SPATA1: variants seen among roughly 807,000 people sequenced by gnomAD.
SPATA1 encodes the protein spermatogenesis-associated protein 1.
SPATA1 carries 57 observed loss-of-function variants against 59.6 expected under a neutral mutation model. That is an observed-to-expected ratio of 0.96 (90% confidence interval 0.77 to 1.19). The LOEUF (loss-of-function observed/expected upper bound fraction) is 1.19. Ranked by LOEUF, SPATA1 falls within the 50% of genes most tolerant of loss-of-function variation. The pLI is 0.00. For missense variants in SPATA1, 448 were observed against 480.7 expected (o/e 0.93, Z 0.64); for synonymous variants, 147 against 163.9 (o/e 0.90, Z 0.79).
At chr1:84,566,108 A>C in exon 5 of SPATA1, 2 of 667,320 alleles carry the variant, frequency 3.0e-6, no homozygotes, top group Non-Finnish European at 4.4e-6. Context: ...CTTATACTAC[A>C]CAAGGAAAAG....
At position 84,533,594 on chromosome 1, in the gene SPATA1, T is replaced by C. The variant is rs576205955; in HGVS notation, c.660-115T>C. On this transcript the variant is annotated intron_variant, in intron 7 of 12. Coordinates refer to ENST00000490879, the Ensembl canonical transcript of SPATA1. ...TATGATAATGGTCTCAGGCTGACTT[T>C]GAAAATTTTCAATATTTGTGTTTAC... 2.4e-5 allele frequency: 20 copies of C among 825,000 alleles called. No individual in the cohort carries two copies. The East Asian group carries it at 4.5e-4, about 18-fold the overall frequency. 51.1% of individuals were successfully genotyped at this position (825,000 alleles called of 1,614,324 possible).
At position 84,522,831 on chromosome 1, in the gene SPATA1, G is replaced by A. The variant is rs151192025; in HGVS notation, c.261+324G>A. Reference sequence around the variant, plus strand: ...AGGTACTTGAGTTCTGGGAAAAAATGGGGTTCTCATCACTTGTGCCACAAC... The same window carrying A: ...AGGTACTTGAGTTCTGGGAAAAAATAGGGTTCTCATCACTTGTGCCACAAC... On this transcript the variant is annotated intron_variant, in intron 4 of 12. Coordinates refer to ENST00000490879, the Ensembl canonical transcript of SPATA1. 1.1e-4 allele frequency among the ~76,000 whole-genome samples: 17 copies of A among 152,130 alleles called. No homozygotes were observed. The East Asian group carries it at 3.3e-3, about 29-fold the overall frequency.
chr1:84,523,800 C>A (rs975103202), intron 4 of SPATA1, among the ~76,000 whole-genome samples: 5 of 152,016 alleles, frequency 3.3e-5, no homozygotes, highest in African/African-American at 1.2e-4. Flanking sequence ...AGAAAATGAA[C>A]AACTCTCATA....
chr1:84,507,134 C>T (rs6704452), intron 1 of SPATA1: 29,128 of 151,908 alleles, frequency 0.19, 4,302 homozygotes, highest in African/African-American at 0.41. Context: ...CTTTCATCCA[C>T]GGAAATATGT....
chr1:84,559,874 C>T (rs1245155217), intron 4 of SPATA1, among the ~76,000 whole-genome samples: 1 of 151,902 alleles, frequency 6.6e-6, no homozygotes. Flanking sequence ...CACTTGAGGT[C>T]AGGAGTTTGA....
Position 84,545,766 on chromosome 1 carries a change from T to A in SPATA1, c.946+7T>A. The A allele has an allele frequency of 6.7e-7, 1 of 1,494,928 alleles. No homozygotes were observed. Among genetic ancestry groups the A allele is most frequent in the Non-Finnish European group, 8.8e-7 (1 of 1,130,946 alleles). 92.6% of individuals were successfully genotyped at this position (1,494,928 alleles called of 1,614,324 possible). On this transcript the variant is annotated splice_region_variant and intron_variant, in intron 10 of 12. Transcript: ENST00000490879. Reference sequence around the variant, plus strand: ...AAATTAAAACGATATCATGGTAAAGTTTATTACATACCTTTTATCACTATA... The same window carrying A: ...AAATTAAAACGATATCATGGTAAAGATTATTACATACCTTTTATCACTATA...
Position 84,563,355 on chromosome 1 carries a change from G to A in SPATA1, n.443-2506G>A, listed in dbSNP as rs77922958. On this transcript the variant is annotated intron_variant and non_coding_transcript_variant, in intron 4 of 4. Transcript: ENST00000460286. ...ATGATCGTTTTGTAGGGCACCTGAC[G>A]TCCTGCAGCGTCACTACAAGGAGCC... 132 of 1,595,156 alleles carry A rather than the reference G, an allele frequency of 8.3e-5. No homozygotes were observed. The highest frequency in any genetic ancestry group is 4.8e-4 in the East Asian group (21 of 43,440).
At chr1:84,543,403 T>C (rs1683976900) in intron 8 of SPATA1, among the ~76,000 whole-genome samples, 1 of 152,128 alleles carries the variant, frequency 6.6e-6, no homozygotes, top group Admixed American at 6.5e-5. Flanking sequence ...TTTAATTGGC[T>C]CACGGTTCTG....
intron 4 of SPATA1, among the ~76,000 whole-genome samples, chr1:84,564,093 C>A (rs1423450800): frequency 6.6e-6 from 1 of 152,056 alleles, no homozygotes; most frequent in Non-Finnish European, 1.5e-5. Context: ...AAATCTAATT[C>A]TAGGAAGAAT....
chr1:84,550,423 T>C lies in SPATA1; in HGVS notation c.1126-9T>C, dbSNP rs779967764. 4 of 1,437,452 alleles carry C rather than the reference T, an allele frequency of 2.8e-6. No individual in the cohort carries two copies. The highest frequency in any genetic ancestry group is 3.8e-6 in the Non-Finnish European group (4 of 1,065,142). 89.0% of individuals were successfully genotyped at this position (1,437,452 alleles called of 1,614,324 possible). A position where few individuals can be genotyped will look rare whatever the true frequency, so the allele number is the denominator to read the frequency against. ...GTTATACTAAATAAATATCTATCTATCCACACAGAATTACCTAATAATCCA... is the reference window on the plus strand; with the variant it reads ...GTTATACTAAATAAATATCTATCTACCCACACAGAATTACCTAATAATCCA... On this transcript the variant is annotated splice_polypyrimidine_tract_variant and intron_variant, in intron 11 of 12. Transcript: ENST00000490879.
chr1:84,563,846 A>C, intron 4 of SPATA1: 1 of 1,596,152 alleles, frequency 6.3e-7, no homozygotes, highest in Non-Finnish European at 8.5e-7. Flanking sequence ...GTCAAGCAGG[A>C]GAGAAAAAGC....
intron 1 of SPATA1, among the ~76,000 whole-genome samples, chr1:84,515,763 GT>G (rs1045486973): frequency 5.9e-5 from 9 of 152,040 alleles, no homozygotes; most frequent in Non-Finnish European, 1.2e-4. Context: ...GATTGTTCAC[GT>G]TTTTTATTAT....
chr1:84,558,583 G>A (rs965805753), downstream of SPATA1, among the ~76,000 whole-genome samples: 36 of 148,360 alleles, frequency 2.4e-4, 1 homozygote, highest in East Asian at 5.2e-3. Flanking sequence ...GAGCCACCGC[G>A]CCCGGCCACT....
chr1:84,545,243 C>G (rs1322976779), intron 9 of SPATA1, among the ~76,000 whole-genome samples: 1 of 147,956 alleles, frequency 6.8e-6, no homozygotes, highest in East Asian at 2.0e-4. Context: ...ATTTATATAT[C>G]ATATATATAT....
chr1:84,555,603 C>T (rs920124821), downstream of SPATA1, among the ~76,000 whole-genome samples: 2 of 152,160 alleles, frequency 1.3e-5, no homozygotes, highest in Admixed American at 6.5e-5. Flanking sequence ...ATTACAGAAA[C>T]GAGCCTCCTA....
chr1:84,562,809 T>C (rs1285848620), intron 4 of SPATA1, among the ~76,000 whole-genome samples: 1 of 152,204 alleles, frequency 6.6e-6, no homozygotes, highest in Non-Finnish European at 1.5e-5. Context: ...AGTTTTTCCA[T>C]TGTAAAGTCG....
intron 1 of SPATA1, among the ~76,000 whole-genome samples, chr1:84,509,064 A>T (rs1682413947): frequency 6.6e-6 from 1 of 152,188 alleles, no homozygotes. Flanking sequence ...TATTAAAAAC[A>T]ATCCTAAAAC....
intron 1 of SPATA1, among the ~76,000 whole-genome samples, chr1:84,511,935 G>C (rs909726503): frequency 6.6e-6 from 1 of 152,034 alleles, no homozygotes; most frequent in Non-Finnish European, 1.5e-5. Flanking sequence ...ACCCGCCTCG[G>C]CCTCCCAAAG....
chr1:84,538,691 A>G (rs184500794), intron 8 of SPATA1, among the ~76,000 whole-genome samples: 34 of 152,272 alleles, frequency 2.2e-4, no homozygotes, highest in South Asian at 1.0e-3. Context: ...ATTTAAACCA[A>G]CTGAATCAGA....
Sources: allele counts gnomAD v4.1 joint callset (sites outside exome capture counted in the v4.1 genomes callset), GRCh38; gene constraint gnomAD v4.1.1; transcripts MANE v1.5; gene names NCBI Gene and HGNC (gene_info 2026-07-23, HGNC 2026-07-21).